CCDC7: variants seen among roughly 807,000 people sequenced by gnomAD.
CCDC7 encodes coiled-coil domain-containing protein 7.
Under a neutral mutation model 196.9 loss-of-function variants are expected in CCDC7, and 183 were observed. That is an observed-to-expected ratio of 0.93 (90% CI 0.82 to 1.05). The LOEUF (loss-of-function observed/expected upper bound fraction) is 1.05, where lower values mean the gene tolerates loss of function less well. Ranked by LOEUF, CCDC7 falls within the 50% of genes least tolerant of loss-of-function variation. The pLI, the probability that CCDC7 is intolerant of heterozygous loss-of-function variation, is 0.00. For synonymous variants in CCDC7, 525 were observed against 484.6 expected (o/e 1.08, Z -1.10); for missense variants, 1,540 against 1,482.2 (o/e 1.04, Z -0.64).
intron 39 of CCDC7, among the ~76,000 whole-genome samples, chr10:32,849,153 A>ATT (rs1356958780): frequency 2.0e-5 from 3 of 151,630 alleles, no homozygotes; most frequent in Admixed American, 6.6e-5. Context: ...AAAGTTACTA[A>ATT]ATTATATCTC....
chr10:32,518,548 AG>A, intron 11 of CCDC7, 43 bp downstream of exon 12: 1 of 1,492,820 alleles, frequency 6.7e-7, no homozygotes, highest in Non-Finnish European at 9.1e-7. Context: ...ACACCTAATA[AG>A]GCTTATTATG....
At position 32,606,193 on chromosome 10, in the gene CCDC7, G is replaced by A. The variant is rs115622367; in HGVS notation, c.1801+21889G>A. On this transcript the variant is annotated intron_variant, in intron 18 of 41. Coordinates refer to ENST00000639629, the Ensembl canonical transcript of CCDC7. ...TAAGCTTTGGTGGTTTCTACATGGT[G>A]TTAAGCCTGTAGCTGAAAAAAGTAC... is the stretch of plus-strand genomic sequence containing the variant. Among the ~76,000 whole-genome samples, 237 of 152,368 alleles carry A rather than the reference G, an allele frequency of 1.6e-3. 1 individual carries two copies. The highest frequency in any genetic ancestry group is 5.1e-3 in the African/African-American group (214 of 41,592).
At chr10:32,732,143 T>C (rs2084092526) in intron 28 of CCDC7, among the ~76,000 whole-genome samples, 1 of 152,180 alleles carries the variant, frequency 6.6e-6, no homozygotes, top group Non-Finnish European at 1.5e-5. Flanking sequence ...TTTTTCACTT[T>C]TTATTGGGTT....
At chr10:32,449,516 C>T (rs939906925), upstream of CCDC7, among the ~76,000 whole-genome samples, 24 of 151,522 alleles carry the variant, frequency 1.6e-4, no homozygotes, top group Non-Finnish European at 8.8e-5. Context: ...TTTTTTTTTC[C>T]GTTGTCAAGT....
At chr10:32,778,936 T>C (rs925338725) in intron 28 of CCDC7, 41 bp from the exon 30 acceptor site, 3 of 1,466,212 alleles carry the variant, frequency 2.0e-6, no homozygotes, top group African/African-American at 2.8e-5. Flanking sequence ...AAAATGTTAG[T>C]TTTTTAAATC....
intron 13 of CCDC7, among the ~76,000 whole-genome samples, chr10:32,558,539 G>A (rs1439997603): frequency 6.6e-6 from 1 of 152,070 alleles, no homozygotes; most frequent in East Asian, 1.9e-4. Context: ...CTGTCCTCTG[G>A]TGGTTTTTAA....
At chr10:32,747,293 G>A (rs2074933673) in intron 28 of CCDC7, among the ~76,000 whole-genome samples, 1 of 152,130 alleles carries the variant, frequency 6.6e-6, no homozygotes, top group Non-Finnish European at 1.5e-5. Context: ...ATACCCTTCT[G>A]GACACATGCC....
chr10:32,534,427 T>C (rs1394247813), intron 11 of CCDC7, among the ~76,000 whole-genome samples: 1 of 152,192 alleles, frequency 6.6e-6, no homozygotes. Flanking sequence ...CTTTGTCCTT[T>C]TGGGGAGGTT....
At chr10:32,719,654 G>T (rs997056376) in intron 25 of CCDC7, among the ~76,000 whole-genome samples, 1 of 151,936 alleles carries the variant, frequency 6.6e-6, no homozygotes, top group East Asian at 1.9e-4. Flanking sequence ...AATCTACAAG[G>T]AACTTAAACA....
intron 28 of CCDC7, among the ~76,000 whole-genome samples, chr10:32,776,898 T>C (rs890241676): frequency 6.9e-6 from 1 of 145,766 alleles, no homozygotes; most frequent in Admixed American, 6.7e-5. Context: ...CTATGTGTAC[T>C]TTTTTTTTAC....
chr10:32,733,591 T>C (rs899903568), intron 28 of CCDC7, among the ~76,000 whole-genome samples: 3 of 152,148 alleles, frequency 2.0e-5, no homozygotes, highest in African/African-American at 7.2e-5. Context: ...TTAGTCAATA[T>C]GTCTTTTGTA....
intron 29 of CCDC7, 81 bp from the exon 31 acceptor site, chr10:32,804,930 TACAC>T (rs35054696): frequency 0.038 from 21,323 of 561,444 alleles, 2 homozygotes; most frequent in South Asian, 0.048. Context: ...ATTAATTTAA[TACAC>T]ACACACACAC....
At chr10:32,787,680 C>T (rs1035539918) in intron 29 of CCDC7, among the ~76,000 whole-genome samples, 1 of 152,188 alleles carries the variant, frequency 6.6e-6, no homozygotes, top group Non-Finnish European at 1.5e-5. Context: ...TCTGCAGACC[C>T]AGCCTCCAAG....
At chr10:32,494,847 A>G (rs2042668890) in intron 9 of CCDC7, among the ~76,000 whole-genome samples, 2 of 152,208 alleles carry the variant, frequency 1.3e-5, no homozygotes, top group Admixed American at 6.5e-5. Context: ...ACAGTGCTGC[A>G]ATAACATATG....
At chr10:32,732,587 CT>C (rs905087810) in intron 28 of CCDC7, among the ~76,000 whole-genome samples, 5 of 151,910 alleles carry the variant, frequency 3.3e-5, no homozygotes, top group Non-Finnish European at 4.4e-5. Flanking sequence ...GTTTCTAAAG[CT>C]TTTTTTTATA....
Position 32,705,771 on chromosome 10 carries a change from A to G in CCDC7, c.2459-5849A>G, listed in dbSNP as rs1462449458. Among the ~76,000 whole-genome samples, 4 of 152,174 alleles carry G rather than the reference A, an allele frequency of 2.6e-5. 1 individual carries two copies. The highest frequency in any genetic ancestry group is 2.1e-4 in the South Asian group (1 of 4,834). ...ATCAATTCAACAAGAAAAGCTAACT[A>G]TCCTAAATATGTGTGCACCCAATAC... On this transcript the variant is annotated intron_variant, in intron 24 of 41. Coordinates refer to ENST00000639629, the Ensembl canonical transcript of CCDC7.
chr10:32,732,460 TCTTAA>T (rs373889902), intron 28 of CCDC7, among the ~76,000 whole-genome samples: 2 of 152,306 alleles, frequency 1.3e-5, no homozygotes, highest in East Asian at 3.9e-4. Context: ...TTTCATGTGT[TCTTAA>T]CTTCACTGAG....
Position 32,779,606 on chromosome 10 carries a change from A to G in CCDC7, c.3013+522A>G, listed in dbSNP as rs146258631. Among the ~76,000 whole-genome samples, 3 of 152,332 alleles carry G rather than the reference A, an allele frequency of 2.0e-5. No individual in the cohort carries two copies. The East Asian group carries it at 5.8e-4, about 29-fold the overall frequency. The stretch of plus-strand genomic sequence containing the variant: ...TAGTGTGGTTAAGTGACTATTTTCT[A>G]ATAAGATAAAACCAAAGTGTTCTGT... On this transcript the variant is annotated intron_variant, in intron 29 of 41. Transcript: ENST00000639629.
At chr10:32,571,698 C>A (rs573571914) in intron 15 of CCDC7, among the ~76,000 whole-genome samples, 161 bp from the exon 17 acceptor site, 2 of 152,032 alleles carry the variant, frequency 1.3e-5, no homozygotes, top group African/African-American at 4.8e-5. Flanking sequence ...TATAATGTCT[C>A]TTCCAATGCT....
Sources: allele counts gnomAD v4.1 joint callset (sites outside exome capture counted in the v4.1 genomes callset), GRCh38; gene constraint gnomAD v4.1.1; transcripts MANE v1.5; gene names NCBI Gene and HGNC (gene_info 2026-07-23, HGNC 2026-07-21).